ZNF324B: variants seen among roughly 807,000 people sequenced by gnomAD.
ZNF324B encodes the protein zinc finger protein 324B.
A neutral mutation model predicts 10.6 loss-of-function variants in ZNF324B; 7 were observed. The observed-to-expected ratio is 0.66, with a 90% confidence interval of 0.38 to 1.24. ZNF324B has a LOEUF of 1.24. ZNF324B is among the 50% of genes most tolerant of loss of function. The probability of loss-of-function intolerance (pLI) is 0.02; values close to 1 mark genes in which losing one functional copy is unlikely to be tolerated. For synonymous variants in ZNF324B, 316 were observed against 321.0 expected (o/e 0.98, Z 0.17); for missense variants, 640 against 764.7 (o/e 0.84, Z 1.92).
At chr19:58,435,321 G>T in the ZNF324B span, 1 of 1,268,230 alleles carries the variant, frequency 7.9e-7, no homozygotes, top group Non-Finnish European at 1.1e-6. Flanking sequence ...CCCAGGGATT[G>T]CTGACAGGCC....
chr19:58,453,946 C>A (rs2052887339), intron 2 of ZNF324B, 124 bp downstream of exon 2: 2 of 1,409,996 alleles, frequency 1.4e-6, no homozygotes, highest in Admixed American at 2.5e-5. Flanking sequence ...GGGTCTGGTC[C>A]TGTAGACACA....
rs200153610 is a variant in ZNF324B at position 58,454,257 on chromosome 19, A to G, written c.151A>G (p.Ile51Val). 7.4e-6 allele frequency: 12 copies of G among 1,614,068 alleles called. No homozygotes were observed. The highest frequency in any genetic ancestry group is 1.6e-4 in the Middle Eastern group (1 of 6,062). ...CTCTACCTCCCGACCTCGTGTGGTC[A>G]TTCAACTTGAGCGTGGCGAGGAGCC... is the stretch of plus-strand genomic sequence containing the variant. ...GLSTSRPRVV[I>V]QLERGEEPWV... Residue 51 changes from isoleucine (I) to valine (V), a missense_variant, in exon 3 of 4, where the codon ATT (isoleucine) becomes GTT (valine). Ile to Val is a conservative substitution (Grantham distance 29). Transcript: ENST00000336614.
At chr19:58,439,623 G>T in the ZNF324B span, 2 of 893,984 alleles carry the variant, frequency 2.2e-6, no homozygotes, top group Non-Finnish European at 3.2e-6. Context: ...TGACTCCCAG[G>T]GCAGGGCCCA....
chr19:58,441,677 C>T, the ZNF324B span: 3 of 152,306 alleles, frequency 2.0e-5, no homozygotes, highest in Non-Finnish European at 4.4e-5. Context: ...TCTGGTGTGG[C>T]TTCAGGACGT....
chr19:58,427,464 T>TCCCTTTC, the ZNF324B span, among the ~76,000 whole-genome samples: 4 of 98,904 alleles, frequency 4.0e-5, no homozygotes, highest in Non-Finnish European at 8.1e-5. Flanking sequence ...CTTCCTTCCT[T>TCCCTTTC]CCTTCCTTCC....
At chr19:58,434,510 A>G in the ZNF324B span, 1 of 1,614,122 alleles carries the variant, frequency 6.2e-7, no homozygotes, top group Non-Finnish European at 8.5e-7. Context: ...TCAGTGTGAA[A>G]TTTCTGGTGC....
the ZNF324B span, among the ~76,000 whole-genome samples, chr19:58,420,210 A>G: frequency 6.6e-6 from 1 of 152,086 alleles, no homozygotes; most frequent in East Asian, 1.9e-4. Flanking sequence ...TGAGGTCAGG[A>G]GATCGAGACC....
At position 58,455,633 on chromosome 19, in the gene ZNF324B, A is replaced by G; in HGVS notation, c.689A>G (p.Glu230Gly). 6.2e-7 allele frequency: 1 copy of G among 1,613,858 alleles called. No individual in the cohort carries two copies. The highest frequency in any genetic ancestry group is 8.5e-7 in the Non-Finnish European group (1 of 1,179,978). The change falls in exon 4 of 4, where the codon GAG becomes GGG. Residue 230 changes from glutamate to glycine, a missense_variant. Glu to Gly is a moderately conservative substitution (Grantham distance 98, BLOSUM62 -2). Around this residue, in one of 3 missense-constraint regions of ZNF324B, gnomAD observed 345 missense variants for 387.9 expected, o/e 0.89. Transcript: ENST00000336614. The surrounding 1 kb of genome is among the most constrained non-coding windows in gnomAD (Gnocchi z 7.0). ...RDRRMGAAWQEPHRLLGGQEP... is the reference protein window; with the variant it reads ...RDRRMGAAWQGPHRLLGGQEP... ...CGCAGAATGGGCGCAGCTTGGCAGG[A>G]GCCTCATAGACTCCTCGGTGGCCAG...
rs2052931044 is a variant in ZNF324B, at chr19:58,457,145, G to C, written c.*566G>C. ...TCCTCCTCGGAAAAAGAAAAGCTTT[G>C]GGTCAACTCAGCATCATGTTTGCAG... is the stretch of plus-strand genomic sequence containing the variant. On this transcript the variant is annotated 3_prime_UTR_variant, in exon 4 of 4. Coordinates refer to ENST00000336614, the MANE Select transcript of ZNF324B (RefSeq NM_207395.3). 1 of 158,254 alleles carries C rather than the reference G, an allele frequency of 6.3e-6. No individual in the cohort carries two copies. The highest frequency in any genetic ancestry group is 2.4e-5 in the African/African-American group (1 of 41,476). The allele number at this position is 158,254 out of a possible 1,614,324, so 9.8% of individuals were successfully genotyped here.
the ZNF324B span, chr19:58,435,287 A>G: frequency 3.3e-4 from 496 of 1,507,570 alleles, 2 homozygotes; most frequent in African/African-American, 6.3e-3. Flanking sequence ...AATGTTACCC[A>G]GGAATTCACA....
the ZNF324B span, chr19:58,439,704 G>A: frequency 6.8e-7 from 1 of 1,480,734 alleles, no homozygotes; most frequent in South Asian, 1.3e-5. Flanking sequence ...CTGGGCTTCA[G>A]GATCCTGAGG....
rs754077387 is a variant in ZNF324B, at chr19:58,456,474, C to T, written c.1530C>T (p.Ala510=). ...QRIHTTEKTN[A]AAPDCTPGPG... is the part of the protein sequence containing the mutation. The stretch of plus-strand genomic sequence containing the variant: ...TCCACACCACAGAGAAGACCAATGC[C>T]GCAGCACCAGACTGCACCCCGGGGC... Residue 510 remains alanine, a synonymous_variant, in exon 4 of 4, where the codon GCC becomes GCT. Coordinates refer to ENST00000336614, the MANE Select transcript of ZNF324B (RefSeq NM_207395.3). This position sits in a 1 kb window ranked among gnomAD's most constrained non-coding sequence, Gnocchi z 4.7. The T allele has an allele frequency of 6.2e-6, 10 of 1,614,048 alleles. No individual in the cohort carries two copies. Among genetic ancestry groups the T allele is most frequent in the Middle Eastern group, 1.6e-4 (1 of 6,084 alleles).
the ZNF324B span, among the ~76,000 whole-genome samples, chr19:58,423,491 G>C: frequency 6.6e-6 from 1 of 152,126 alleles, no homozygotes; most frequent in African/African-American, 2.4e-5. Context: ...TGACCATACT[G>C]CCCAAAGCAA....
At chr19:58,421,595 G>A in the ZNF324B span, among the ~76,000 whole-genome samples, 19 of 152,196 alleles carry the variant, frequency 1.2e-4, no homozygotes, top group African/African-American at 4.6e-4. Flanking sequence ...TGGTCGGGCT[G>A]GTCTCGAACC....
chr19:58,426,764 G>C, the ZNF324B span, among the ~76,000 whole-genome samples: 1 of 149,766 alleles, frequency 6.7e-6, no homozygotes, highest in Non-Finnish European at 1.5e-5. Flanking sequence ...CAAAGGCCCA[G>C]GGGCAAGGAA....
the ZNF324B span, among the ~76,000 whole-genome samples, chr19:58,427,407 C>T: frequency 0.038 from 1,131 of 30,030 alleles, 18 homozygotes; most frequent in African/African-American, 0.054. Context: ...TCTTTCTTTC[C>T]TTCCTTCCTT....
chr19:58,419,201 G>A, the ZNF324B span: 12 of 152,176 alleles, frequency 7.9e-5, no homozygotes, highest in Non-Finnish European at 1.8e-4. Flanking sequence ...TCTTCTATAT[G>A]TTTATGGACA....
rs1455145257 is a variant in ZNF324B, at chr19:58,457,413, G to A, written c.*834G>A. 6.6e-6 allele frequency: 1 copy of A among 152,570 alleles called. No homozygotes were observed. Among genetic ancestry groups the A allele is most frequent in the East Asian group, 1.9e-4 (1 of 5,184 alleles). The allele number at this position is 152,570 out of a possible 1,614,324, so 9.5% of individuals were successfully genotyped here. A position where few individuals can be genotyped will look rare whatever the true frequency, so the allele number is the denominator to read the frequency against. On this transcript the variant is annotated 3_prime_UTR_variant, in exon 4 of 4. Transcript: ENST00000336614. ...GCCTGTCGCTCACTCATTTACAAAA[G>A]TCGATGTGAGGAGGAGCCTTTACAC...
In ZNF324B at chr19:58,456,468, C is replaced by G. The variant is rs756535154; in HGVS notation, c.1524C>G (p.Thr508=). Reference sequence around the variant, plus strand: ...AGAGGATCCACACCACAGAGAAGACCAATGCCGCAGCACCAGACTGCACCC... The same window carrying G: ...AGAGGATCCACACCACAGAGAAGACGAATGCCGCAGCACCAGACTGCACCC... ...HHQRIHTTEK[T]NAAAPDCTPG... is the part of the protein sequence containing the mutation. The change falls in exon 4 of 4, where the codon ACC becomes ACG. Residue 508 remains threonine, a synonymous_variant. Transcript: ENST00000336614. This position sits in a 1 kb window ranked among gnomAD's most constrained non-coding sequence, Gnocchi z 4.7. The G allele has an allele frequency of 3.1e-6, 5 of 1,613,984 alleles. No homozygotes were observed. The highest frequency in any genetic ancestry group is 1.6e-4 in the Middle Eastern group (1 of 6,084).
Sources: allele counts gnomAD v4.1 joint callset (sites outside exome capture counted in the v4.1 genomes callset), GRCh38; gene constraint gnomAD v4.1.1; regional missense constraint gnomAD v4.1.1; non-coding constraint Gnocchi (gnomAD v3.1); transcripts MANE v1.5; gene names NCBI Gene and HGNC (gene_info 2026-07-23, HGNC 2026-07-21).